The following CSMD2 variants were observed in gnomAD, a reference collection of about 807,000 sequenced individuals.
The protein encoded by CSMD2 is CUB and sushi domain-containing protein 2.
CSMD2 carries 130 observed loss-of-function variants against 398.5 expected under a neutral mutation model. That is an observed-to-expected ratio of 0.33 (90% CI 0.28 to 0.38). The LOEUF is 0.38. Ranked by LOEUF, CSMD2 falls within the 10% of genes least tolerant of loss-of-function variation. The pLI, the probability that CSMD2 is intolerant of heterozygous loss-of-function variation, is 1.00. For synonymous variants in CSMD2, 1,828 were observed against 1,908.5 expected, an observed-to-expected ratio of 0.96 and a Z score of 1.10; for missense variants, 3,829 against 4,764.9, an observed-to-expected ratio of 0.80 and a Z score of 5.78.
chr1:33,523,850 A>G (rs1654532755), intron 66 of CSMD2, among the ~76,000 whole-genome samples: 2 of 152,224 alleles, frequency 1.3e-5, no homozygotes, highest in Admixed American at 1.3e-4. Context: ...AGGTGTGTGC[A>G]CGTATGAATG....
Position 34,096,595 on chromosome 1 carries a change from C to G in CSMD2, c.188-7402G>C, listed in dbSNP as rs377484443. Among the ~76,000 whole-genome samples the G allele has an allele frequency of 7.3e-3, 985 of 134,642 alleles. 6 individuals are homozygous for G. The highest frequency in any genetic ancestry group is 0.027 in the East Asian group (124 of 4,526). 88.3% of individuals were successfully genotyped at this position (134,642 alleles called of 152,430 possible). ...ATACAAAATCAATGTGCAAAAATCACAAGCATTCCTATACACCAACAACAG... is the reference window on the plus strand; with the variant it reads ...ATACAAAATCAATGTGCAAAAATCAGAAGCATTCCTATACACCAACAACAG... On this transcript the variant is annotated intron_variant, in intron 1 of 70. Transcript: ENST00000373381.
At position 33,567,854 on chromosome 1, in the gene CSMD2, A is replaced by G. The variant is rs1570758077; in HGVS notation, c.8132-13T>C. 6.4e-7 allele frequency: 1 copy of G among 1,558,716 alleles called. No homozygotes were observed. Among genetic ancestry groups the G allele is most frequent in the Non-Finnish European group, 8.7e-7 (1 of 1,151,096 alleles). ...TTGGTCTGAGTGGCTAGAGACAGGG[A>G]TGGTGGGGAAAAGGACCAACTATCC... On this transcript the variant is annotated splice_polypyrimidine_tract_variant and intron_variant, in intron 52 of 70. Transcript: ENST00000373381.
chr1:33,609,641 T>C (rs1301488781), intron 41 of CSMD2, among the ~76,000 whole-genome samples: 1 of 152,154 alleles, frequency 6.6e-6, no homozygotes, highest in African/African-American at 2.4e-5. Context: ...AAAAGATAAA[T>C]ATGTTTGTAA....
intron 12 of CSMD2, among the ~76,000 whole-genome samples, chr1:33,788,180 T>C (rs1252912302): frequency 6.6e-6 from 1 of 151,994 alleles, no homozygotes; most frequent in Non-Finnish European, 1.5e-5. Context: ...TGGAATAACA[T>C]GCCTAAGGGG....
chr1:33,672,152 G>A (rs1041998186), intron 25 of CSMD2, among the ~76,000 whole-genome samples: 3 of 152,210 alleles, frequency 2.0e-5, no homozygotes, highest in Admixed American at 6.5e-5. Flanking sequence ...CACCGTGTGT[G>A]AGCCGAAGCA....
At chr1:33,944,926 C>T (rs1414019376) in intron 3 of CSMD2, among the ~76,000 whole-genome samples, 2 of 152,106 alleles carry the variant, frequency 1.3e-5, no homozygotes, top group African/African-American at 4.8e-5. Flanking sequence ...AGTCCATGCT[C>T]TTGGTAACTT....
At chr1:33,772,959 G>C (rs943998949) in intron 12 of CSMD2, among the ~76,000 whole-genome samples, 1 of 152,164 alleles carries the variant, frequency 6.6e-6, no homozygotes, top group African/African-American at 2.4e-5. Context: ...AGGATGAATG[G>C]GCTTCCAGCT....
At position 33,518,204 on chromosome 1, in the gene CSMD2, G is replaced by A. The variant is rs1362992412; in HGVS notation, c.*53+1261C>T. On this transcript the variant is annotated intron_variant, in intron 70 of 70. Transcript: ENST00000373381. The surrounding 1 kb of genome is among the most constrained non-coding windows in gnomAD (Gnocchi z 4.3). ...TATCCCCAGAAAGCGGGATGTGTGG[G>A]AGAAGACAGTTCTCAGAGGGGTGCA... Among the ~76,000 whole-genome samples, 1 of 152,262 alleles carries A rather than the reference G, an allele frequency of 6.6e-6. No homozygotes were observed. The highest frequency in any genetic ancestry group is 2.4e-5 in the African/African-American group (1 of 41,476).
chr1:33,980,031 CA>C (rs373187097), intron 3 of CSMD2, among the ~76,000 whole-genome samples: 9 of 152,280 alleles, frequency 5.9e-5, no homozygotes, highest in African/African-American at 1.9e-4. Flanking sequence ...GTAGATAGAA[CA>C]AGTGTCCTGG....
At chr1:34,156,818 G>A (rs1640852961) in intron 1 of CSMD2, among the ~76,000 whole-genome samples, 1 of 152,072 alleles carries the variant, frequency 6.6e-6, no homozygotes, top group African/African-American at 2.4e-5. Flanking sequence ...TTTTTCAAGG[G>A]TGGGACTGAC....
chr1:33,606,742 A>T (rs1640640721), intron 41 of CSMD2, among the ~76,000 whole-genome samples: 1 of 152,164 alleles, frequency 6.6e-6, no homozygotes, highest in African/African-American at 2.4e-5. Flanking sequence ...GTGTGTGGGA[A>T]GCCAGGAGCA....
chr1:33,705,651 AT>A (rs539292069), intron 22 of CSMD2, among the ~76,000 whole-genome samples: 13 of 150,494 alleles, frequency 8.6e-5, no homozygotes, highest in African/African-American at 2.9e-4. Context: ...TTTTTTTCAG[AT>A]TTTTTTTAAT....
chr1:33,543,008 A>C (rs1189137040), intron 57 of CSMD2, 112 bp from the exon 58 acceptor site: 1 of 775,448 alleles, frequency 1.3e-6, no homozygotes, highest in Non-Finnish European at 2.1e-6. Context: ...TCGTGGATAG[A>C]AATGCCTCTC....
chr1:33,713,301 C>G (rs1208753692), intron 21 of CSMD2, among the ~76,000 whole-genome samples: 1 of 152,184 alleles, frequency 6.6e-6, no homozygotes, highest in Non-Finnish European at 1.5e-5. Context: ...GGACTTGTCT[C>G]GGGCACAGCT....
intron 3 of CSMD2, among the ~76,000 whole-genome samples, chr1:33,962,980 C>T (rs553784298): frequency 9.9e-5 from 15 of 152,282 alleles, no homozygotes; most frequent in African/African-American, 3.4e-4. Flanking sequence ...ATGTCTGGTA[C>T]GTAGTTGGCC....
At chr1:33,843,562 C>G (rs1458702596) in intron 6 of CSMD2, among the ~76,000 whole-genome samples, 2 of 152,208 alleles carry the variant, frequency 1.3e-5, no homozygotes, top group Non-Finnish European at 2.9e-5. Flanking sequence ...CCCTGCCCTT[C>G]CAGGTCCATT....
At chr1:33,812,465 T>C (rs1356687521) in intron 9 of CSMD2, among the ~76,000 whole-genome samples, 1 of 152,170 alleles carries the variant, frequency 6.6e-6, no homozygotes, top group Non-Finnish European at 1.5e-5. Context: ...CCCACTCCAT[T>C]CCCCCATGTA....
In CSMD2 at chr1:33,724,185, T is replaced by C. The variant is rs959905005; in HGVS notation, c.3001+12A>G. On this transcript the variant is annotated intron_variant, in intron 19 of 70. Transcript: ENST00000373381. The stretch of plus-strand genomic sequence containing the variant: ...TCACATCCCAATGCCTGCTATGGGC[T>C]GAAACACTCACCCTTGCCATGAGAT... 2.0e-5 allele frequency: 32 copies of C among 1,593,686 alleles called. No homozygotes were observed. In the African/African-American group the frequency reaches 4.3e-4, roughly 21 times the overall value.
chr1:33,886,412 G>A (rs546831925), intron 5 of CSMD2, among the ~76,000 whole-genome samples: 2 of 152,310 alleles, frequency 1.3e-5, no homozygotes, highest in South Asian at 2.1e-4. Context: ...TACTTAGGAG[G>A]CAGAACTGGC....
Sources: gnomAD v4.1 joint callset for allele counts (sites outside exome capture counted in the v4.1 genomes callset) on GRCh38, gnomAD v4.1.1 for gene constraint, Gnocchi (gnomAD v3.1) non-coding constraint, MANE v1.5 for transcripts, NCBI Gene and HGNC (gene_info 2026-07-23, HGNC 2026-07-21) for gene names.